Variants in NTNG1 observed in about 807,000 individuals in gnomAD.
NTNG1 encodes the protein netrin-G1.
Under a neutral mutation model 54.0 loss-of-function variants are expected in NTNG1, and 16 were observed. That is an observed-to-expected ratio of 0.30 (90% CI 0.20 to 0.45). NTNG1 has a LOEUF of 0.45. NTNG1 is among the 20% of genes least tolerant of loss of function. The probability of loss-of-function intolerance (pLI) is 1.00; values close to 1 mark genes in which losing one functional copy is unlikely to be tolerated. For missense variants in NTNG1, 530 were observed against 678.7 expected, an observed-to-expected ratio of 0.78 and a Z score of 2.43; for synonymous variants, 255 against 263.1, an observed-to-expected ratio of 0.97 and a Z score of 0.30.
chr1:107,466,321 A>G (rs977981504), intron 7 of NTNG1, among the ~76,000 whole-genome samples: 1 of 152,212 alleles, frequency 6.6e-6, no homozygotes, highest in African/African-American at 2.4e-5. Flanking sequence ...GAAGCAATGG[A>G]TATGGAATAT....
chr1:107,163,866 C>T (rs555619754), intron 2 of NTNG1, among the ~76,000 whole-genome samples: 1 of 152,226 alleles, frequency 6.6e-6, no homozygotes, highest in Admixed American at 6.5e-5. Context: ...TATGTTGGCT[C>T]TCATAAAGGC....
At chr1:107,468,223 G>C (rs1677730048) in intron 7 of NTNG1, among the ~76,000 whole-genome samples, 1 of 152,084 alleles carries the variant, frequency 6.6e-6, no homozygotes, top group Admixed American at 6.6e-5. Flanking sequence ...ACCATATTTA[G>C]AACACTCCTA....
At chr1:107,350,576 A>T (rs1305301846) in intron 3 of NTNG1, among the ~76,000 whole-genome samples, 2 of 152,224 alleles carry the variant, frequency 1.3e-5, no homozygotes, top group Admixed American at 1.3e-4. Context: ...AATTGCAAAG[A>T]TGTGGAATCA....
At chr1:107,229,327 C>T (rs537730776) in intron 2 of NTNG1, among the ~76,000 whole-genome samples, 5 of 147,876 alleles carry the variant, frequency 3.4e-5, no homozygotes, top group East Asian at 2.0e-4. Flanking sequence ...TCAAGTATGC[C>T]GTCTCTAAAA....
chr1:107,309,078 C>T (rs1245907815), intron 2 of NTNG1, among the ~76,000 whole-genome samples: 1 of 152,116 alleles, frequency 6.6e-6, no homozygotes, highest in Non-Finnish European at 1.5e-5. Flanking sequence ...TTCATCAGTC[C>T]CTTGTTCTCA....
intron 2 of NTNG1, among the ~76,000 whole-genome samples, chr1:107,247,062 C>A (rs1421075626): frequency 6.6e-6 from 1 of 152,132 alleles, no homozygotes; most frequent in East Asian, 1.9e-4. Flanking sequence ...CACTAAAGTA[C>A]ATTTGAGGAG....
At chr1:107,228,129 C>T (rs562245032) in intron 2 of NTNG1, among the ~76,000 whole-genome samples, 1 of 152,162 alleles carries the variant, frequency 6.6e-6, no homozygotes, top group South Asian at 2.1e-4. Context: ...ATTCTTTTTT[C>T]CTCGTTGAGA....
intron 7 of NTNG1, among the ~76,000 whole-genome samples, chr1:107,460,956 A>G (rs560426182): frequency 8.5e-5 from 13 of 152,302 alleles, no homozygotes; most frequent in East Asian, 1.9e-4. Context: ...TAAGAGACCA[A>G]TTAAAATCCA....
chr1:107,407,807 T>A, intron 5 of NTNG1, 99 bp downstream of exon 5: 2 of 1,016,652 alleles, frequency 2.0e-6, no homozygotes, highest in Non-Finnish European at 1.6e-6. Flanking sequence ...TGTCCATTTC[T>A]GATGTAATAG....
At chr1:107,338,531 G>C (rs1461488026) in intron 3 of NTNG1, among the ~76,000 whole-genome samples, 2 of 151,856 alleles carry the variant, frequency 1.3e-5, no homozygotes, top group African/African-American at 4.8e-5. Flanking sequence ...ACATGAACTT[G>C]GGATGGAAAC....
intron 6 of NTNG1, among the ~76,000 whole-genome samples, chr1:107,431,310 T>A (rs985488616): frequency 6.6e-6 from 1 of 152,142 alleles, no homozygotes; most frequent in African/African-American, 2.4e-5. Context: ...TAATTATAGA[T>A]ATGAAAAATT....
chr1:107,280,322 T>C (rs569381430), intron 2 of NTNG1, among the ~76,000 whole-genome samples: 3 of 152,042 alleles, frequency 2.0e-5, no homozygotes, highest in African/African-American at 2.4e-5. Context: ...AGATGTTCTT[T>C]GGATGTCATG....
At chr1:107,278,670 C>T (rs1002958314) in intron 2 of NTNG1, among the ~76,000 whole-genome samples, 1 of 152,062 alleles carries the variant, frequency 6.6e-6, no homozygotes, top group Non-Finnish European at 1.5e-5. Flanking sequence ...TGTACTGATT[C>T]CCCACTATGA....
chr1:107,410,253 A>C (rs933661780), intron 5 of NTNG1: 1 of 152,186 alleles, frequency 6.6e-6, no homozygotes, highest in African/African-American at 2.4e-5. Context: ...CCATCAGTTT[A>C]CATACATATT....
intron 3 of NTNG1, among the ~76,000 whole-genome samples, chr1:107,336,480 G>T (rs868378301): frequency 9.9e-5 from 15 of 151,814 alleles, no homozygotes; most frequent in South Asian, 6.2e-4. Context: ...AATTCAAAAT[G>T]CATTAAAGAC....
chr1:107,378,424 C>T (rs557108344), intron 3 of NTNG1, among the ~76,000 whole-genome samples: 3 of 152,228 alleles, frequency 2.0e-5, no homozygotes, highest in African/African-American at 7.2e-5. Flanking sequence ...CAGGGTCAGA[C>T]ACTTCAAATC....
At chr1:107,385,428 G>C (rs1671901406) in intron 3 of NTNG1, among the ~76,000 whole-genome samples, 1 of 152,022 alleles carries the variant, frequency 6.6e-6, no homozygotes, top group South Asian at 2.1e-4. Flanking sequence ...TCTTATTCCA[G>C]GAAATAAATG....
At chr1:107,299,218 A>C (rs1666173705) in intron 2 of NTNG1, among the ~76,000 whole-genome samples, 1 of 152,290 alleles carries the variant, frequency 6.6e-6, no homozygotes, top group Admixed American at 6.5e-5. Context: ...GAGATACAGC[A>C]AAGTCAGTCT....
At chr1:107,376,905 T>C (rs1343745092) in intron 3 of NTNG1, among the ~76,000 whole-genome samples, 1 of 152,188 alleles carries the variant, frequency 6.6e-6, no homozygotes, top group East Asian at 1.9e-4. Context: ...GAATAACGCC[T>C]CTTCTCAAAT....
Sources: allele counts gnomAD v4.1 joint callset (sites outside exome capture counted in the v4.1 genomes callset), GRCh38; gene constraint gnomAD v4.1.1; transcripts MANE v1.5; gene names NCBI Gene and HGNC (gene_info 2026-07-23, HGNC 2026-07-21).